Variants in PSMD3 observed in about 807,000 individuals in gnomAD.
The protein encoded by PSMD3 is proteasome 26S subunit, non-ATPase 3.
Under a neutral mutation model 62.8 loss-of-function variants are expected in PSMD3, and 5 were observed. The observed-to-expected ratio is 0.08, with a 90% confidence interval of 0.04 to 0.17. The LOEUF (loss-of-function observed/expected upper bound fraction) is 0.17. Ranked by LOEUF, PSMD3 falls within the 10% of genes least tolerant of loss-of-function variation. The pLI, the probability that PSMD3 is intolerant of heterozygous loss-of-function variation, is 1.00. For missense variants in PSMD3, 524 were observed against 713.6 expected (o/e 0.73, Z 3.03); for synonymous variants, 265 against 283.9 (o/e 0.93, Z 0.67).
intron 2 of PSMD3, among the ~76,000 whole-genome samples, chr17:39,984,735 C>T (rs1298420555): frequency 2.6e-5 from 4 of 152,160 alleles, no homozygotes; most frequent in East Asian, 1.9e-4. Flanking sequence ...CAACCTGTAC[C>T]CCCTACTCCA....
At chr17:39,989,703 T>C in intron 4 of PSMD3, 36 bp from the exon 5 acceptor site, 1 of 1,588,082 alleles carries the variant, frequency 6.3e-7, no homozygotes, top group Non-Finnish European at 8.6e-7. Flanking sequence ...AGAGTTGTGA[T>C]TTGAAGGCTT....
intron 1 of PSMD3, among the ~76,000 whole-genome samples, chr17:39,981,813 C>A (rs1980392395): frequency 6.7e-6 from 1 of 149,558 alleles, no homozygotes; most frequent in South Asian, 2.2e-4. Flanking sequence ...TAAAACTTTT[C>A]GGGTGTCATC....
Position 39,997,560 on chromosome 17 carries a change from T to A in PSMD3, c.1584T>A (p.Asp528Glu). 6.2e-7 allele frequency: 1 copy of A among 1,613,268 alleles called. No individual in the cohort carries two copies. The highest frequency in any genetic ancestry group is 1.1e-5 in the South Asian group (1 of 91,058). ...AGTTTGCCAAGGAGATGGCAGAAGATGATGATGACAGCTTCCCTTGAGCTG... is the reference window on the plus strand; with the variant it reads ...AGTTTGCCAAGGAGATGGCAGAAGAAGATGATGACAGCTTCCCTTGAGCTG... ...DLEFAKEMAE[D>E]DDDSFP Residue 528 changes from aspartate to glutamate, a missense_variant, in exon 12 of 12, where the codon GAT becomes GAA. By Grantham distance (45) the Asp-to-Glu change is conservative. Transcript: ENST00000264639.
Position 39,997,717 on chromosome 17 carries a change from G to C in PSMD3, c.*136G>C, listed in dbSNP as rs1980820378. 10 of 1,055,028 alleles carry C rather than the reference G, an allele frequency of 9.5e-6. No individual in the cohort carries two copies. In the South Asian group the frequency reaches 1.5e-4, roughly 16 times the overall value. The allele number at this position is 1,055,028 out of a possible 1,614,324, so 65.4% of individuals were successfully genotyped here. A position where few individuals can be genotyped will look rare whatever the true frequency, so the allele number is the denominator to read the frequency against. On this transcript the variant is annotated 3_prime_UTR_variant, in exon 12 of 12. Transcript: ENST00000264639. The stretch of plus-strand genomic sequence containing the variant: ...TTCGTGCAGGGGGTGGGGGTGCTGG[G>C]AGCCAGCCACCCTGACCTCCCCCAG...
At chr17:39,993,555 C>G (rs1980711295) in intron 6 of PSMD3, 1 of 152,418 alleles carries the variant, frequency 6.6e-6, no homozygotes. Flanking sequence ...TCTCCCCCAT[C>G]CTCCTTCCCA....
chr17:39,982,057 C>T (rs1980400061), intron 1 of PSMD3, among the ~76,000 whole-genome samples: 1 of 152,202 alleles, frequency 6.6e-6, no homozygotes, highest in Non-Finnish European at 1.5e-5. Flanking sequence ...TGGGACCAGA[C>T]TACTTACTAG....
In PSMD3 at chr17:39,996,113, TC is replaced by T; in HGVS notation, c.1321-68del. On this transcript the variant is annotated intron_variant, in intron 9 of 11. Coordinates refer to ENST00000264639, the MANE Select transcript of PSMD3 (RefSeq NM_002809.4). The surrounding 1 kb of genome is among the most constrained non-coding windows in gnomAD (Gnocchi z 5.1). The stretch of plus-strand genomic sequence containing the variant: ...TCCTGCCTGGGTGACAGAGCGAGAC[TC>T]CATCTCAAAAAAAAAAAAAAAGAAG... 6.4e-7 allele frequency: 1 copy of T among 1,556,948 alleles called. No individual in the cohort carries two copies. The highest frequency in any genetic ancestry group is 1.8e-5 in the Admixed American group (1 of 56,516).
chr17:39,992,574 C>A (rs748531624), intron 6 of PSMD3, among the ~76,000 whole-genome samples: 7 of 152,218 alleles, frequency 4.6e-5, no homozygotes, highest in Non-Finnish European at 1.0e-4. Context: ...AGCTAGCATT[C>A]ATTCCTGCAG....
intron 6 of PSMD3, chr17:39,993,358 G>A (rs1174904959): frequency 1.3e-5 from 2 of 152,146 alleles, no homozygotes; most frequent in Admixed American, 1.3e-4. Flanking sequence ...ACTTGAGGGG[G>A]ATGCAGTTTA....
At chr17:39,981,505 C>T (rs1231350259) in intron 1 of PSMD3, among the ~76,000 whole-genome samples, 1 of 152,206 alleles carries the variant, frequency 6.6e-6, no homozygotes, top group African/African-American at 2.4e-5. Context: ...TATATCCCAC[C>T]CGACTGATTT....
chr17:39,991,179 G>A (rs980663932), intron 6 of PSMD3, among the ~76,000 whole-genome samples: 4 of 151,480 alleles, frequency 2.6e-5, no homozygotes, highest in Admixed American at 6.6e-5. Context: ...TTTTTGAAAC[G>A]GAGTCTTGCT....
At chr17:39,992,024 C>T (rs940174141) in intron 6 of PSMD3, among the ~76,000 whole-genome samples, 1 of 102,070 alleles carries the variant, frequency 9.8e-6, no homozygotes, top group Non-Finnish European at 2.1e-5. Context: ...GACTCTGTCT[C>T]AAAAAAAAAC....
chr17:39,994,729 G>A (rs112476982), intron 6 of PSMD3: 292 of 564,208 alleles, frequency 5.2e-4, no homozygotes, highest in African/African-American at 4.9e-3. Flanking sequence ...ACGGCTCTGC[G>A]ACCAAATGTG....
chr17:39,987,976 G>A (rs12450688), intron 3 of PSMD3, among the ~76,000 whole-genome samples: 84,078 of 151,964 alleles, frequency 0.55, 23,492 homozygotes, highest in Middle Eastern at 0.66. Flanking sequence ...GCGTGGTGGT[G>A]TGTGCCTGTA....
intron 6 of PSMD3, chr17:39,994,446 T>G (rs1568138979): frequency 6.0e-6 from 1 of 167,482 alleles, no homozygotes; most frequent in Non-Finnish European, 1.3e-5. Flanking sequence ...CTTCTATGTC[T>G]GGATACTCTG....
chr17:39,981,962 T>G (rs1251172934), intron 1 of PSMD3, among the ~76,000 whole-genome samples: 2 of 152,224 alleles, frequency 1.3e-5, no homozygotes, highest in African/African-American at 4.8e-5. Flanking sequence ...TTTTCCCACT[T>G]ACAGCGTCCT....
chr17:39,983,311 C>T (rs1980432510), intron 1 of PSMD3, among the ~76,000 whole-genome samples: 1 of 152,154 alleles, frequency 6.6e-6, no homozygotes, highest in Non-Finnish European at 1.5e-5. Context: ...GGATTACAGG[C>T]GTGAGCCACT....
Position 39,996,143 on chromosome 17 carries a change from C to G in PSMD3, c.1321-40C>G, listed in dbSNP as rs1453856714. On this transcript the variant is annotated intron_variant, in intron 9 of 11. Coordinates refer to ENST00000264639, the MANE Select transcript of PSMD3 (RefSeq NM_002809.4). This position sits in a 1 kb window ranked among gnomAD's most constrained non-coding sequence, Gnocchi z 5.1. ...CTCAAAAAAAAAAAAAAAGAAGAAG[C>G]TGGGTGTGCTGGTGAACTTTCCTCT... 10 of 1,602,466 alleles carry G rather than the reference C, an allele frequency of 6.2e-6. No individual in the cohort carries two copies. In the South Asian group the frequency reaches 1.1e-4, roughly 18 times the overall value.
chr17:39,990,037 G>A (rs868218168), intron 5 of PSMD3, 57 bp from the exon 6 acceptor site: 59 of 1,595,342 alleles, frequency 3.7e-5, no homozygotes, highest in Admixed American at 1.3e-4. Context: ...CTGGCTTGTC[G>A]GTGGGGAGTT....
Sources: gnomAD v4.1 joint callset for allele counts (sites outside exome capture counted in the v4.1 genomes callset) on GRCh38, gnomAD v4.1.1 for gene constraint, Gnocchi (gnomAD v3.1) non-coding constraint, MANE v1.5 for transcripts, NCBI Gene and HGNC (gene_info 2026-07-23, HGNC 2026-07-21) for gene names.